Variants in SEMA5B observed in about 807,000 individuals in gnomAD.
SEMA5B encodes semaphorin-5B.
In SEMA5B, 66 loss-of-function variants were observed where a neutral mutation model predicts 135.0. The observed-to-expected ratio is 0.49, with a 90% CI of 0.40 to 0.60. SEMA5B has a LOEUF of 0.60. SEMA5B is among the 20% of genes least tolerant of loss of function. The probability of loss-of-function intolerance (pLI) is 0.00; values close to 1 mark genes in which losing one functional copy is unlikely to be tolerated. For synonymous variants in SEMA5B, 690 were observed against 639.5 expected (o/e 1.08, Z -1.19); for missense variants, 1,501 against 1,566.3 (o/e 0.96, Z 0.70).
intron 1 of SEMA5B, among the ~76,000 whole-genome samples, chr3:123,007,286 T>A (rs1045947651): frequency 6.6e-6 from 1 of 152,024 alleles, no homozygotes; most frequent in Admixed American, 6.6e-5. Context: ...ACCTCTAACA[T>A]ACACAGACCC....
At chr3:122,959,993 A>G (rs559524488) in intron 2 of SEMA5B, among the ~76,000 whole-genome samples, 11 of 152,364 alleles carry the variant, frequency 7.2e-5, no homozygotes, top group Admixed American at 7.2e-4. Context: ...TTATCTATTC[A>G]TTAGAGTAGC....
intron 1 of SEMA5B, chr3:122,976,256 A>C (rs1941317207): frequency 1.7e-6 from 2 of 1,184,602 alleles, no homozygotes; most frequent in Admixed American, 4.8e-5. Flanking sequence ...GCAAATTCTC[A>C]GGCCTCACCC....
In SEMA5B at chr3:122,943,521, C is replaced by A; in HGVS notation, c.343G>T (p.Val115Phe). ...TVAFEDLQPWVSNFTYPGARD... is the reference protein window; with the variant it reads ...TVAFEDLQPWFSNFTYPGARD... Reference sequence around the variant, plus strand: ...GCTCCAGGGTAGGTGAAGTTAGAGACCCACGGCTGCAGGTCTGGTGGAGGG... The same window carrying A: ...GCTCCAGGGTAGGTGAAGTTAGAGAACCACGGCTGCAGGTCTGGTGGAGGG... The change falls in exon 4 of 23, where the codon GTC (valine) becomes TTC (phenylalanine). Residue 115 changes from valine (V) to phenylalanine (F), a missense_variant. Val to Phe is a conservative substitution (Grantham distance 50, BLOSUM62 -1). Coordinates refer to ENST00000357599, the MANE Select transcript of SEMA5B (RefSeq NM_001031702.4). 1 of 1,608,158 alleles carries A rather than the reference C, an allele frequency of 6.2e-7. No homozygotes were observed. The highest frequency in any genetic ancestry group is 1.1e-5 in the South Asian group (1 of 89,048).
intron 1 of SEMA5B, among the ~76,000 whole-genome samples, chr3:122,976,943 G>A (rs928368848): frequency 2.6e-5 from 4 of 152,146 alleles, no homozygotes; most frequent in African/African-American, 4.8e-5. Flanking sequence ...CCAGCTACTC[G>A]AGAGGCTGAA....
chr3:122,966,557 A>ATTT (rs1414027791), intron 1 of SEMA5B, among the ~76,000 whole-genome samples: 8 of 139,468 alleles, frequency 5.7e-5, no homozygotes, highest in African/African-American at 2.6e-4. Flanking sequence ...TATTATTATT[A>ATTT]TTATTATTAT....
intron 3 of SEMA5B, among the ~76,000 whole-genome samples, chr3:122,945,034 T>C (rs1205738760): frequency 6.6e-6 from 1 of 152,122 alleles, no homozygotes; most frequent in African/African-American, 2.4e-5. Flanking sequence ...TGTGTGTGTG[T>C]AATCCAAAGG....
intron 1 of SEMA5B, among the ~76,000 whole-genome samples, chr3:122,967,697 C>T (rs954761546): frequency 4.6e-5 from 7 of 152,256 alleles, no homozygotes; most frequent in Admixed American, 3.9e-4. Flanking sequence ...GCCTTGGCCT[C>T]ATCCTGTGCT....
chr3:122,945,252 C>T (rs1017791987), intron 3 of SEMA5B, among the ~76,000 whole-genome samples: 3 of 152,108 alleles, frequency 2.0e-5, no homozygotes, highest in Admixed American at 1.3e-4. Flanking sequence ...CCTGCCTTTG[C>T]CCCCAGCAGG....
intron 1 of SEMA5B, among the ~76,000 whole-genome samples, chr3:122,978,140 G>A (rs7652430): frequency 0.16 from 24,554 of 152,226 alleles, 3,310 homozygotes; most frequent in African/African-American, 0.38. Flanking sequence ...ATAGGCAGAG[G>A]GCAACTCCAC....
At chr3:122,924,605 A>G (rs1938532463) in intron 9 of SEMA5B, among the ~76,000 whole-genome samples, 1 of 152,140 alleles carries the variant, frequency 6.6e-6, no homozygotes, top group Non-Finnish European at 1.5e-5. Context: ...GCAGTCTGCA[A>G]TGTCCTTTGG....
At position 122,922,363 on chromosome 3, in the gene SEMA5B, C is replaced by T. The variant is rs1938406492; in HGVS notation, c.1357G>A (p.Glu453Lys). ...TCGGGTGTCACCGGCTGCACGGCCT[C>T]GCTCATCAGGAAGAGGCGCTGCGCG... ...QDAQRLFLMS[E>K]AVQPVTPEPC... The change falls in exon 11 of 23, where the codon GAG (glutamate) becomes AAG (lysine). Residue 453 changes from glutamate to lysine, a missense_variant. Transcript: ENST00000357599. The T allele has an allele frequency of 1.2e-6, 2 of 1,613,212 alleles. No individual in the cohort carries two copies. The highest frequency in any genetic ancestry group is 2.2e-5 in the East Asian group (1 of 44,850).
At chr3:122,999,114 A>T (rs1421572517) in intron 1 of SEMA5B, among the ~76,000 whole-genome samples, 1 of 152,188 alleles carries the variant, frequency 6.6e-6, no homozygotes, top group Non-Finnish European at 1.5e-5. Context: ...CCACATTCCT[A>T]AGGGAAAGCA....
At chr3:122,924,574 G>C (rs1014295961) in intron 9 of SEMA5B, among the ~76,000 whole-genome samples, 2 of 152,082 alleles carry the variant, frequency 1.3e-5, no homozygotes, top group African/African-American at 2.4e-5. Context: ...ATTTCTCCTT[G>C]CTCTTACAAT....
At chr3:123,022,996 T>A (rs1040332386) in intron 1 of SEMA5B, among the ~76,000 whole-genome samples, 1 of 152,214 alleles carries the variant, frequency 6.6e-6, no homozygotes, top group Admixed American at 6.5e-5. Context: ...AAGATCCTGT[T>A]CCAGATTACC....
chr3:122,943,887 CT>C (rs1939673826), intron 3 of SEMA5B, among the ~76,000 whole-genome samples: 1 of 152,204 alleles, frequency 6.6e-6, no homozygotes, highest in Admixed American at 6.5e-5. Context: ...AATCCATCCA[CT>C]TTTTTCCCAC....
At chr3:123,010,808 C>CAAAAAA (rs138507516) in intron 1 of SEMA5B, among the ~76,000 whole-genome samples, 1 of 63,456 alleles carries the variant, frequency 1.6e-5, no homozygotes, top group Non-Finnish European at 3.6e-5. Flanking sequence ...GTCTCCATCT[C>CAAAAAA]AAAAAAAAAA....
At chr3:122,943,265 C>CGGGGGGGG (rs1939642551) in intron 4 of SEMA5B, among the ~76,000 whole-genome samples, 171 bp downstream of exon 4, 1 of 152,170 alleles carries the variant, frequency 6.6e-6, no homozygotes, top group Admixed American at 6.5e-5. Context: ...CCCACCCAGC[C>CGGGGGGGG]GAAACACGCT....
intron 20 of SEMA5B, 68 bp from the exon 21 acceptor site, chr3:122,911,603 C>T (rs770006336): frequency 3.7e-5 from 56 of 1,513,860 alleles, no homozygotes; most frequent in Non-Finnish European, 4.8e-5. Flanking sequence ...GCAGGGTAGG[C>T]GTAAGCCTGG....
At position 122,978,874 on chromosome 3, in the gene SEMA5B, A is replaced by G. The variant is rs535100137; in HGVS notation, c.-38-17573T>C. Among the ~76,000 whole-genome samples the G allele has an allele frequency of 2.3e-4, 35 of 152,274 alleles. No homozygotes were observed. In the South Asian group the frequency reaches 6.8e-3, roughly 30 times the overall value. On this transcript the variant is annotated intron_variant, in intron 1 of 22. Coordinates refer to ENST00000357599, the MANE Select transcript of SEMA5B (RefSeq NM_001031702.4). ...AGGCCCCTTTTACACCTGTTACCAC[A>G]TCCTGCAGCTCTGGGCTGCTCTGTT... is the stretch of plus-strand genomic sequence containing the variant.
Sources: gnomAD v4.1 joint callset for allele counts (sites outside exome capture counted in the v4.1 genomes callset) on GRCh38, gnomAD v4.1.1 for gene constraint, MANE v1.5 for transcripts, NCBI Gene and HGNC (gene_info 2026-07-23, HGNC 2026-07-21) for gene names.